Variants in NDUFC2 observed in about 807,000 individuals in gnomAD.
The protein encoded by NDUFC2 is NADH dehydrogenase [ubiquinone] 1 subunit C2.
NDUFC2 carries 2 observed loss-of-function variants against 10.1 expected under a neutral mutation model. The observed-to-expected ratio is 0.20, with a 90% confidence interval of 0.08 to 0.62. The LOEUF is 0.62. Among genes scored for constraint, NDUFC2 ranks in the 20% least tolerant of loss-of-function variants. The pLI is 0.87. For synonymous variants in NDUFC2, 61 were observed against 63.6 expected (o/e 0.96, Z 0.20); for missense variants, 156 against 159.6 (o/e 0.98, Z 0.12).
chr11:78,077,633 G>A (rs968741762), intron 1 of NDUFC2, among the ~76,000 whole-genome samples: 17 of 151,958 alleles, frequency 1.1e-4, no homozygotes, highest in African/African-American at 4.1e-4. Context: ...GTGGCTCGCT[G>A]CAGCCTCAAC....
Position 78,069,786 on chromosome 11 carries a change from G to A in NDUFC2, c.*201C>T. ...AACCTCATCTTAAAATCTTTCAGAT[G>A]GGTGAATGGAAACTGACCATTCTCT... is the stretch of plus-strand genomic sequence containing the variant. On this transcript the variant is annotated 3_prime_UTR_variant, in exon 3 of 3. Coordinates refer to ENST00000281031, the MANE Select transcript of NDUFC2 (RefSeq NM_004549.6). 1 of 1,221,336 alleles carries A rather than the reference G, an allele frequency of 8.2e-7. No individual in the cohort carries two copies. The highest frequency in any genetic ancestry group is 1.2e-6 in the Non-Finnish European group (1 of 868,152). The allele number at this position is 1,221,336 out of a possible 1,614,324, so 75.7% of individuals were successfully genotyped here. A position where few individuals can be genotyped will look rare whatever the true frequency, so the allele number is the denominator to read the frequency against.
intron 2 of NDUFC2, among the ~76,000 whole-genome samples, chr11:78,072,429 C>T (rs1400188656): frequency 1.3e-5 from 2 of 152,170 alleles, no homozygotes; most frequent in South Asian, 2.1e-4. Context: ...CTGCCCCGCT[C>T]GGCCCCCCAA....
intron 2 of NDUFC2, among the ~76,000 whole-genome samples, chr11:78,071,661 G>A (rs1023067754): frequency 2.6e-5 from 4 of 152,180 alleles, no homozygotes; most frequent in Non-Finnish European, 5.9e-5. Context: ...ACACAGGTGA[G>A]AAAAGTTATA....
chr11:78,073,111 G>C lies in NDUFC2; in HGVS notation c.197C>G (p.Ala66Gly). 11 of 1,612,884 alleles carry C rather than the reference G, an allele frequency of 6.8e-6. No homozygotes were observed. Among genetic ancestry groups the C allele is most frequent in the Non-Finnish European group, 9.3e-6 (11 of 1,179,814 alleles). ...GLHRQLLYIT[A>G]FFFAGYYLVK... ...AAGATAATATCCAGCAAAAAAAAAG[G>C]CCGTAATATATAGAAGCTGGCGATG... Residue 66 changes from alanine to glycine, a missense_variant, in exon 2 of 3, where the codon GCC becomes GGC. Physicochemically the swap from Ala to Gly is moderately conservative, Grantham distance 60. Coordinates refer to ENST00000281031, the MANE Select transcript of NDUFC2 (RefSeq NM_004549.6).
chr11:78,070,744 G>A (rs893956423), intron 2 of NDUFC2, among the ~76,000 whole-genome samples: 5 of 152,194 alleles, frequency 3.3e-5, no homozygotes, highest in African/African-American at 1.2e-4. Flanking sequence ...AGGGGCACAG[G>A]TCAGCTAGGA....
At chr11:78,073,801 C>CAAAAAAAA (rs11290651) in intron 1 of NDUFC2, among the ~76,000 whole-genome samples, 1 of 62,086 alleles carries the variant, frequency 1.6e-5, no homozygotes, top group Admixed American at 2.1e-4. Context: ...GGCTCTGTCT[C>CAAAAAAAA]AAAAAAAAAA....
intron 1 of NDUFC2, among the ~76,000 whole-genome samples, chr11:78,073,460 C>G (rs1409601298): frequency 6.6e-6 from 1 of 151,498 alleles, no homozygotes; most frequent in Non-Finnish European, 1.5e-5. Context: ...CCATTGCACT[C>G]CAGCCTGGGT....
intron 1 of NDUFC2, among the ~76,000 whole-genome samples, chr11:78,077,439 A>T (rs990942934): frequency 1.3e-5 from 2 of 152,208 alleles, no homozygotes; most frequent in Non-Finnish European, 2.9e-5. Context: ...TTCTCACAAC[A>T]AATATGCAAA....
chr11:78,071,012 G>A (rs938299925), intron 2 of NDUFC2, among the ~76,000 whole-genome samples: 8 of 152,094 alleles, frequency 5.3e-5, no homozygotes, highest in Admixed American at 2.0e-4. Flanking sequence ...AACATTTAAC[G>A]GTTCTGGGTA....
intron 1 of NDUFC2, among the ~76,000 whole-genome samples, chr11:78,074,810 T>G (rs886122023): frequency 1.1e-4 from 16 of 152,234 alleles, no homozygotes; most frequent in African/African-American, 3.9e-4. Flanking sequence ...ACCCGCCATA[T>G]AGCAAACCAA....
At chr11:78,071,510 T>C (rs968266645) in intron 2 of NDUFC2, among the ~76,000 whole-genome samples, 6 of 152,204 alleles carry the variant, frequency 3.9e-5, no homozygotes, top group African/African-American at 1.4e-4. Flanking sequence ...AAATTTTTTC[T>C]ATACTCATTC....
rs922148074 is a variant in NDUFC2 at position 78,068,876 on chromosome 11, A to G, written c.*1111T>C. The G allele has an allele frequency of 6.6e-6, 1 of 151,980 alleles. No homozygotes were observed. The highest frequency in any genetic ancestry group is 6.6e-5 in the Admixed American group (1 of 15,246). The allele number at this position is 151,980 out of a possible 1,614,324, so 9.4% of individuals were successfully genotyped here. ...CTAGGAAACAAAAACTTTTGGGACA[A>G]GTACTTTTTTTTTTGACGGGGTCTC... On this transcript the variant is annotated 3_prime_UTR_variant, in exon 3 of 3. Coordinates refer to ENST00000281031, the MANE Select transcript of NDUFC2 (RefSeq NM_004549.6).
In NDUFC2 at chr11:78,069,848, A is replaced by G. The variant is rs1484943271; in HGVS notation, c.*139T>C. 6.4e-7 allele frequency: 1 copy of G among 1,564,074 alleles called. No individual in the cohort carries two copies. Among genetic ancestry groups the G allele is most frequent in the Non-Finnish European group, 8.7e-7 (1 of 1,144,532 alleles). ...ATTTTTCTTACAACAATAAAGAGTC[A>G]GAGTACTCATGGTACGTATTTTAAT... On this transcript the variant is annotated 3_prime_UTR_variant, in exon 3 of 3. Coordinates refer to ENST00000281031, the MANE Select transcript of NDUFC2 (RefSeq NM_004549.6).
chr11:78,075,763 T>G (rs1435419746), intron 1 of NDUFC2, among the ~76,000 whole-genome samples: 1 of 152,116 alleles, frequency 6.6e-6, no homozygotes, highest in African/African-American at 2.4e-5. Flanking sequence ...TTAAAAAAAT[T>G]TCTTTTGTAG....
intron 1 of NDUFC2, among the ~76,000 whole-genome samples, chr11:78,078,313 GCT>G (rs1219678585): frequency 1.3e-5 from 2 of 152,154 alleles, no homozygotes; most frequent in Admixed American, 1.3e-4. Flanking sequence ...AAATTGCCAT[GCT>G]CTGCTAAAAT....
chr11:78,071,581 G>T (rs746910756), intron 2 of NDUFC2, among the ~76,000 whole-genome samples: 1 of 152,104 alleles, frequency 6.6e-6, no homozygotes, highest in South Asian at 2.1e-4. Flanking sequence ...AAAAACTGTC[G>T]TAGTAGTTAA....
chr11:78,079,501 G>T, intron 1 of NDUFC2, 78 bp downstream of exon 1: 1 of 1,501,796 alleles, frequency 6.7e-7, no homozygotes, highest in Non-Finnish European at 8.9e-7. Context: ...GAGCACCTCA[G>T]GGGGGCCTAC....
Position 78,068,409 on chromosome 11 carries a change from A to G in NDUFC2, c.*1578T>C, listed in dbSNP as rs1858836359. On this transcript the variant is annotated 3_prime_UTR_variant, in exon 3 of 3. Coordinates refer to ENST00000281031, the MANE Select transcript of NDUFC2 (RefSeq NM_004549.6). ...CCTCAACCTAATTTCAGTTTTTACA[A>G]TTGGTACTCAAGAAAATAGAGACAG... 1.3e-5 allele frequency: 2 copies of G among 152,222 alleles called. No individual in the cohort carries two copies. The highest frequency in any genetic ancestry group is 6.5e-5 in the Admixed American group (1 of 15,286). 9.4% of individuals were successfully genotyped at this position (152,222 alleles called of 1,614,324 possible).
chr11:78,070,417 A>C (rs894500301), intron 2 of NDUFC2, among the ~76,000 whole-genome samples: 2 of 152,192 alleles, frequency 1.3e-5, no homozygotes, highest in African/African-American at 2.4e-5. Context: ...GCAAGCAATA[A>C]ATTTCTATTA....
Sources: gnomAD v4.1 joint callset for allele counts (sites outside exome capture counted in the v4.1 genomes callset) on GRCh38, gnomAD v4.1.1 for gene constraint, MANE v1.5 for transcripts, NCBI Gene and HGNC (gene_info 2026-07-23, HGNC 2026-07-21) for gene names.